Variants in CDC42BPA observed in about 807,000 individuals in gnomAD.
The protein encoded by CDC42BPA is serine/threonine-protein kinase MRCK alpha.
CDC42BPA carries 80 observed loss-of-function variants against 223.5 expected under a neutral mutation model. The observed-to-expected ratio is 0.36, with a 90% CI of 0.30 to 0.43. The LOEUF (loss-of-function observed/expected upper bound fraction) is 0.43, where lower values mean the gene tolerates loss of function less well. Among genes scored for constraint, CDC42BPA ranks in the 20% least tolerant of loss-of-function variants. The pLI, the probability that CDC42BPA is intolerant of heterozygous loss-of-function variation, is 1.00. For missense variants in CDC42BPA, 1,743 were observed against 2,099.9 expected, an observed-to-expected ratio of 0.83 and a Z score of 3.32; for synonymous variants, 694 against 718.6, an observed-to-expected ratio of 0.97 and a Z score of 0.55.
intron 2 of CDC42BPA, among the ~76,000 whole-genome samples, chr1:227,243,294 A>G (rs1429612202): frequency 6.6e-6 from 1 of 152,224 alleles, no homozygotes; most frequent in African/African-American, 2.4e-5. Flanking sequence ...TTATTTAACA[A>G]ACCTGCAAGT....
Position 227,262,173 on chromosome 1 carries a change from G to A in CDC42BPA, c.179-8018C>T, listed in dbSNP as rs537223931. ...AATACAATCTGAAAAATACCATGAA[G>A]TGGGTAACAATGATTCAAGAGATAG... On this transcript the variant is annotated intron_variant, in intron 1 of 36. Coordinates refer to ENST00000366766, the MANE Select transcript of CDC42BPA (RefSeq NM_001394014.1). Among the ~76,000 whole-genome samples the A allele has an allele frequency of 1.3e-4, 20 of 151,886 alleles. No individual in the cohort carries two copies. The South Asian group carries it at 3.5e-3, about 27-fold the overall frequency.
At chr1:227,230,812 C>CCTTCTTTTTTTTTTT (rs1677725462) in intron 2 of CDC42BPA, among the ~76,000 whole-genome samples, 2 of 111,758 alleles carry the variant, frequency 1.8e-5, no homozygotes, top group Non-Finnish European at 3.7e-5. Flanking sequence ...TTTCTTTTTT[C>CCTTCTTTTTTTTTTT]TTTCTTTCTT....
At chr1:227,196,918 T>G (rs991637637) in intron 4 of CDC42BPA, among the ~76,000 whole-genome samples, 4 of 152,196 alleles carry the variant, frequency 2.6e-5, no homozygotes, top group African/African-American at 9.6e-5. Context: ...GATAAAAATT[T>G]TATGTGTCAA....
chr1:227,213,091 A>T (rs1513612), intron 3 of CDC42BPA, 45 bp downstream of exon 3: 276,185 of 957,426 alleles, frequency 0.29, 41,625 homozygotes, highest in Admixed American at 0.39. Context: ...ATTCCTGAAA[A>T]ATATTTCTAA....
intron 35 of CDC42BPA, among the ~76,000 whole-genome samples, chr1:227,000,202 A>G (rs1286545311): frequency 6.6e-6 from 1 of 151,886 alleles, no homozygotes; most frequent in South Asian, 2.1e-4. Flanking sequence ...TCCTCAGGAG[A>G]CACGTTTCCC....
At chr1:227,088,918 G>T (rs1682521443) in intron 16 of CDC42BPA, among the ~76,000 whole-genome samples, 1 of 151,980 alleles carries the variant, frequency 6.6e-6, no homozygotes, top group African/African-American at 2.4e-5. Context: ...TAGAGATGGG[G>T]TTTCTCCACG....
intron 3 of CDC42BPA, among the ~76,000 whole-genome samples, chr1:227,209,358 T>C (rs1429717037): frequency 0.011 from 1,605 of 143,532 alleles, 16 homozygotes; most frequent in Middle Eastern, 0.036. Context: ...TTCCTTCTCC[T>C]GCCTAATTGC....
chr1:227,220,311 TACACACACACACAC>T (rs58845901), intron 2 of CDC42BPA, among the ~76,000 whole-genome samples: 5 of 49,524 alleles, frequency 1.0e-4, no homozygotes, highest in Non-Finnish European at 1.3e-4. Context: ...TATATATATA[TACACACACACACAC>T]ACATACATAT....
chr1:227,311,425 A>C (rs1293195974), intron 1 of CDC42BPA, among the ~76,000 whole-genome samples: 1 of 152,196 alleles, frequency 6.6e-6, no homozygotes, highest in Non-Finnish European at 1.5e-5. Context: ...CCTGAGCAAC[A>C]AATGATGAGA....
chr1:226,996,339 A>G (rs1661597102), intron 35 of CDC42BPA, among the ~76,000 whole-genome samples: 2 of 152,224 alleles, frequency 1.3e-5, no homozygotes, highest in South Asian at 4.1e-4. Flanking sequence ...ACTTTGCTGA[A>G]GTTGCTTGTC....
At chr1:227,171,561 G>A (rs1666106469) in intron 5 of CDC42BPA, among the ~76,000 whole-genome samples, 1 of 152,070 alleles carries the variant, frequency 6.6e-6, no homozygotes, top group Non-Finnish European at 1.5e-5. Context: ...AAGCTGTAGT[G>A]AGCCGTGACG....
intron 5 of CDC42BPA, among the ~76,000 whole-genome samples, chr1:227,170,256 A>C (rs1665858154): frequency 6.6e-6 from 1 of 152,182 alleles, no homozygotes; most frequent in African/African-American, 2.4e-5. Context: ...CAAGCAGCCC[A>C]CATGGGAAGA....
chr1:227,010,590 A>C (rs531973848), intron 34 of CDC42BPA, among the ~76,000 whole-genome samples: 45 of 152,306 alleles, frequency 3.0e-4, no homozygotes, highest in Non-Finnish European at 4.7e-4. Flanking sequence ...CAATGGGAAA[A>C]ACTTTTATTA....
intron 21 of CDC42BPA, among the ~76,000 whole-genome samples, chr1:227,065,660 C>A (rs1676895722): frequency 6.6e-6 from 1 of 152,054 alleles, no homozygotes; most frequent in African/African-American, 2.4e-5. Flanking sequence ...AACTTAAAAC[C>A]GTACTGTTTT....
At chr1:227,175,166 A>G (rs1352518788) in intron 5 of CDC42BPA, among the ~76,000 whole-genome samples, 1 of 152,188 alleles carries the variant, frequency 6.6e-6, no homozygotes, top group East Asian at 1.9e-4. Flanking sequence ...CCATGCAATC[A>G]TGACTGATAT....
At chr1:227,141,989 T>C (rs1157923333) in intron 9 of CDC42BPA, among the ~76,000 whole-genome samples, 2 of 151,930 alleles carry the variant, frequency 1.3e-5, no homozygotes, top group African/African-American at 4.8e-5. Context: ...AAAAAGAAAG[T>C]AAAAAATAGT....
chr1:227,311,866 T>A (rs1693595664), intron 1 of CDC42BPA, among the ~76,000 whole-genome samples: 1 of 151,492 alleles, frequency 6.6e-6, no homozygotes, highest in East Asian at 2.0e-4. Flanking sequence ...TCCCATCTAT[T>A]TCCAAGTCTG....
In CDC42BPA at chr1:227,141,498, C is replaced by T. The variant is rs570141357; in HGVS notation, c.1223+1447G>A. On this transcript the variant is annotated intron_variant, in intron 9 of 36. Transcript: ENST00000366766. ...CTTACTAGAGGCTTGCACAGTTCAT[C>T]CATGAAAAGAACAGAGAATTTGGGT... Among the ~76,000 whole-genome samples, 3 of 152,234 alleles carry T rather than the reference C, an allele frequency of 2.0e-5. No individual in the cohort carries two copies. The South Asian group carries it at 6.2e-4, about 32-fold the overall frequency.
intron 3 of CDC42BPA, among the ~76,000 whole-genome samples, chr1:227,202,156 G>C (rs1173530258): frequency 6.6e-6 from 1 of 152,042 alleles, no homozygotes; most frequent in Non-Finnish European, 1.5e-5. Context: ...CTAATTTTTT[G>C]TATTTTTAGT....
Sources: allele counts gnomAD v4.1 joint callset (sites outside exome capture counted in the v4.1 genomes callset), GRCh38; gene constraint gnomAD v4.1.1; transcripts MANE v1.5; gene names NCBI Gene and HGNC (gene_info 2026-07-23, HGNC 2026-07-21).